CCSER1: variants seen among roughly 807,000 people sequenced by gnomAD.
The protein encoded by CCSER1 is serine-rich coiled-coil domain-containing protein 1.
Under a neutral mutation model 82.0 loss-of-function variants are expected in CCSER1, and 41 were observed. The ratio of observed to expected loss-of-function variants is 0.50; its 90% CI spans 0.39 to 0.65. The LOEUF (loss-of-function observed/expected upper bound fraction) is 0.65, where lower values mean the gene tolerates loss of function less well. Ranked by LOEUF, CCSER1 falls within the 30% of genes least tolerant of loss-of-function variation. CCSER1 has a pLI of 0.00. For synonymous variants in CCSER1, 414 were observed against 383.9 expected (o/e 1.08, Z -0.92); for missense variants, 1,119 against 1,064.2 (o/e 1.05, Z -0.72).
At chr4:90,388,239 A>T (rs1177765076) in intron 3 of CCSER1, among the ~76,000 whole-genome samples, 1 of 152,208 alleles carries the variant, frequency 6.6e-6, no homozygotes. Flanking sequence ...TGGGTTTCCC[A>T]CTATATACTG....
chr4:91,181,072 C>T (rs540638591), intron 10 of CCSER1, among the ~76,000 whole-genome samples: 3 of 152,344 alleles, frequency 2.0e-5, no homozygotes, highest in African/African-American at 7.2e-5. Flanking sequence ...TTCCCATAAA[C>T]CCACAGTCTT....
rs557526194 is a variant in CCSER1, at chr4:91,553,497, G to C, written c.2218-45075G>C. Among the ~76,000 whole-genome samples, 5 of 151,514 alleles carry C rather than the reference G, an allele frequency of 3.3e-5. No homozygotes were observed. In the East Asian group the frequency reaches 9.7e-4, roughly 29 times the overall value. On this transcript the variant is annotated intron_variant, in intron 10 of 10. Coordinates refer to ENST00000509176, the MANE Select transcript of CCSER1 (RefSeq NM_001145065.2). Reference sequence around the variant, plus strand: ...TGTTTTAAATGTTTGGTAGATTTCAGCAATGAATCCATGAAGTCCTGGGCT... The same window carrying C: ...TGTTTTAAATGTTTGGTAGATTTCACCAATGAATCCATGAAGTCCTGGGCT...
intron 5 of CCSER1, among the ~76,000 whole-genome samples, chr4:90,581,843 G>A (rs1270009805): frequency 1.3e-5 from 2 of 151,830 alleles, no homozygotes; most frequent in Non-Finnish European, 2.9e-5. Flanking sequence ...CTTCATATCA[G>A]TACAGAGCCT....
At chr4:90,575,137 A>T (rs1780597949) in intron 5 of CCSER1, among the ~76,000 whole-genome samples, 1 of 152,160 alleles carries the variant, frequency 6.6e-6, no homozygotes, top group African/African-American at 2.4e-5. Context: ...ATCAGTTGTC[A>T]GTGATGTCCT....
chr4:90,311,739 TAAA>T (rs941735728), intron 2 of CCSER1, among the ~76,000 whole-genome samples: 1 of 152,160 alleles, frequency 6.6e-6, no homozygotes, highest in Non-Finnish European at 1.5e-5. Context: ...TTCATTGTCT[TAAA>T]AAGTTATTTA....
intron 3 of CCSER1, among the ~76,000 whole-genome samples, chr4:90,372,683 G>A (rs979834869): frequency 7.9e-5 from 12 of 151,944 alleles, no homozygotes; most frequent in Non-Finnish European, 1.8e-4. Flanking sequence ...CTGGGAGATG[G>A]AGTTTGCAGT....
At chr4:91,079,918 A>G (rs1226250522) in intron 9 of CCSER1, among the ~76,000 whole-genome samples, 1 of 152,224 alleles carries the variant, frequency 6.6e-6, no homozygotes, top group Non-Finnish European at 1.5e-5. Flanking sequence ...TTCATGAAGC[A>G]AGCCTTGAGA....
At chr4:90,858,689 T>C (rs892497840) in intron 8 of CCSER1, among the ~76,000 whole-genome samples, 4 of 151,978 alleles carry the variant, frequency 2.6e-5, no homozygotes, top group African/African-American at 7.2e-5. Flanking sequence ...ACCACGTCTA[T>C]GGTCACAGAC....
intron 9 of CCSER1, among the ~76,000 whole-genome samples, chr4:91,019,734 CA>C (rs1165906423): frequency 1.3e-5 from 2 of 152,160 alleles, no homozygotes; most frequent in Non-Finnish European, 2.9e-5. Context: ...AAGCGAATTA[CA>C]TGAAAATCCC....
chr4:90,774,466 A>G (rs1752638996), intron 7 of CCSER1, among the ~76,000 whole-genome samples: 1 of 152,116 alleles, frequency 6.6e-6, no homozygotes, highest in Admixed American at 6.5e-5. Context: ...ATAATGAGTC[A>G]TAGAAAATTT....
chr4:90,534,183 G>A (rs939997771), intron 5 of CCSER1, among the ~76,000 whole-genome samples: 11 of 152,214 alleles, frequency 7.2e-5, no homozygotes, highest in Admixed American at 2.0e-4. Context: ...AGGCTGGAGA[G>A]CAGTGGCTCA....
At chr4:90,510,220 T>G (rs1771297822) in intron 5 of CCSER1, among the ~76,000 whole-genome samples, 1 of 152,218 alleles carries the variant, frequency 6.6e-6, no homozygotes, top group African/African-American at 2.4e-5. Flanking sequence ...TTTAAAACTC[T>G]ATTCTTTTAG....
chr4:90,759,407 T>G (rs1425032376), intron 7 of CCSER1, among the ~76,000 whole-genome samples: 1 of 152,178 alleles, frequency 6.6e-6, no homozygotes, highest in Non-Finnish European at 1.5e-5. Flanking sequence ...GTGACTTAAT[T>G]TTATAAATAA....
At chr4:91,568,293 G>A (rs1762993265) in intron 10 of CCSER1, among the ~76,000 whole-genome samples, 2 of 151,934 alleles carry the variant, frequency 1.3e-5, no homozygotes, top group Non-Finnish European at 2.9e-5. Context: ...TGCTTTCATT[G>A]TGACCTTAGA....
chr4:90,990,350 A>G (rs1736920984), intron 9 of CCSER1, among the ~76,000 whole-genome samples: 2 of 151,944 alleles, frequency 1.3e-5, no homozygotes, highest in Admixed American at 6.6e-5. Context: ...GTTCTTCTTA[A>G]AATACGATGT....
In CCSER1 at chr4:91,249,947, T is replaced by TA. The variant is rs200357623; in HGVS notation, c.2217+163955dup. Among the ~76,000 whole-genome samples, 215 of 123,730 alleles carry TA rather than the reference T, an allele frequency of 1.7e-3. 3 individuals are homozygous for TA. The highest frequency in any genetic ancestry group is 0.013 in the South Asian group (55 of 4,100). 81.2% of individuals were successfully genotyped at this position (123,730 alleles called of 152,430 possible). On this transcript the variant is annotated intron_variant, in intron 10 of 10. Coordinates refer to ENST00000509176, the MANE Select transcript of CCSER1 (RefSeq NM_001145065.2). ...GGAAAGAAAAGATTGTAGTCCTGAA[T>TA]AATAAAAAAAAAAAACAGCTTTCTC...
chr4:90,616,711 ACACACACACACACACACACACACACAC>A (rs1721295027), intron 5 of CCSER1, among the ~76,000 whole-genome samples: 4 of 125,120 alleles, frequency 3.2e-5, no homozygotes, highest in African/African-American at 1.5e-4. Context: ...ACACACACAC[ACACACACACACACACACACACACACAC>A]AAATAAAATA....
At chr4:90,482,776 A>G (rs182344907) in intron 5 of CCSER1, among the ~76,000 whole-genome samples, 2,414 of 152,204 alleles carry the variant, frequency 0.016, 37 homozygotes, top group African/African-American at 0.047. Flanking sequence ...TTTGCTGAGG[A>G]GTGCTTTACT....
intron 1 of CCSER1, among the ~76,000 whole-genome samples, chr4:90,292,151 T>G (rs1731054427): frequency 1.3e-5 from 2 of 151,944 alleles, no homozygotes; most frequent in African/African-American, 2.4e-5. Context: ...TTACTATCAT[T>G]TTGCTCTTTT....
Sources: allele counts gnomAD v4.1 joint callset (sites outside exome capture counted in the v4.1 genomes callset), GRCh38; gene constraint gnomAD v4.1.1; transcripts MANE v1.5; gene names NCBI Gene and HGNC (gene_info 2026-07-23, HGNC 2026-07-21).